MARCHF1: variants seen among roughly 807,000 people sequenced by gnomAD.
MARCHF1 encodes the protein E3 ubiquitin-protein ligase MARCHF1.
In MARCHF1, 40 loss-of-function variants were observed where a neutral mutation model predicts 54.2. The observed-to-expected ratio is 0.74, with a 90% CI of 0.57 to 0.96. The LOEUF (loss-of-function observed/expected upper bound fraction) is 0.96. Among genes scored for constraint, MARCHF1 ranks in the 40% least tolerant of loss-of-function variants. The pLI is 0.00. For synonymous variants in MARCHF1, 236 were observed against 236.3 expected (o/e 1.00, Z 0.01); for missense variants, 586 against 656.5 (o/e 0.89, Z 1.17).
chr4:163,603,392 G>A (rs1051772923), intron 7 of MARCHF1, among the ~76,000 whole-genome samples: 1 of 152,030 alleles, frequency 6.6e-6, no homozygotes, highest in Non-Finnish European at 1.5e-5. Flanking sequence ...TTTGAGTGAT[G>A]TACTGCAGAG....
chr4:164,368,189 C>T (rs1446278813), intron 1 of MARCHF1, among the ~76,000 whole-genome samples: 19 of 112,866 alleles, frequency 1.7e-4, no homozygotes, highest in Non-Finnish European at 3.5e-4. Context: ...ATAGCCAAAT[C>T]CTAGGTGAAA....
At chr4:163,599,161 C>T (rs1022332750) in intron 7 of MARCHF1, among the ~76,000 whole-genome samples, 2 of 151,942 alleles carry the variant, frequency 1.3e-5, no homozygotes, top group African/African-American at 2.4e-5. Flanking sequence ...TGGTGGCGGG[C>T]GCCTGTAATC....
chr4:164,333,870 C>T (rs913312167), intron 1 of MARCHF1, among the ~76,000 whole-genome samples: 1 of 152,210 alleles, frequency 6.6e-6, no homozygotes, highest in Non-Finnish European at 1.5e-5. Flanking sequence ...ATTAAAAGTG[C>T]TACTCCAGTG....
intron 3 of MARCHF1, among the ~76,000 whole-genome samples, chr4:163,975,872 A>G (rs1752639739): frequency 6.6e-6 from 1 of 152,166 alleles, no homozygotes; most frequent in African/African-American, 2.4e-5. Context: ...AAGTTGATAC[A>G]CAGGAAGCCC....
chr4:164,317,802 T>C (rs1484868747), intron 1 of MARCHF1, among the ~76,000 whole-genome samples: 3 of 152,152 alleles, frequency 2.0e-5, no homozygotes, highest in African/African-American at 7.2e-5. Flanking sequence ...GGGTAAACTG[T>C]GGATCAATGG....
At chr4:164,007,646 CTGTGTGTGTGTGTG>C (rs70948688) in intron 2 of MARCHF1, among the ~76,000 whole-genome samples, 22 of 140,014 alleles carry the variant, frequency 1.6e-4, no homozygotes, top group South Asian at 6.9e-4. Flanking sequence ...CTCTCTCTCT[CTGTGTGTGTGTGTG>C]TGTGTGTGTG....
Position 163,894,606 on chromosome 4 carries a change from CAT to C in MARCHF1, c.-38-40439_-38-40438del, listed in dbSNP as rs199604841. ...TGCATATATATATATGCATGTGATG[CAT>C]ATATATATATGCATGTGATGCATAT... On this transcript the variant is annotated intron_variant, in intron 3 of 9. Coordinates refer to ENST00000514618, the MANE Select transcript of MARCHF1 (RefSeq NM_001394959.1). 1.5e-3 allele frequency among the ~76,000 whole-genome samples: 179 copies of C among 120,618 alleles called. 2 individuals are homozygous for C. Among genetic ancestry groups the C allele is most frequent in the Middle Eastern group, 4.5e-3 (1 of 222 alleles). 79.1% of individuals were successfully genotyped at this position (120,618 alleles called of 152,430 possible).
intron 1 of MARCHF1, among the ~76,000 whole-genome samples, chr4:164,233,677 C>T (rs1411416863): frequency 1.3e-5 from 2 of 152,042 alleles, no homozygotes; most frequent in African/African-American, 4.8e-5. Flanking sequence ...AGGTCCTATC[C>T]TCCAAGATGG....
chr4:163,831,257 C>A (rs1267826091), intron 4 of MARCHF1, among the ~76,000 whole-genome samples: 1 of 152,082 alleles, frequency 6.6e-6, no homozygotes, highest in Non-Finnish European at 1.5e-5. Context: ...CAGGTGGAAC[C>A]CTCAAAGAAT....
chr4:163,650,116 G>A (rs939009409), intron 5 of MARCHF1, among the ~76,000 whole-genome samples: 2 of 151,784 alleles, frequency 1.3e-5, no homozygotes, highest in African/African-American at 4.8e-5. Context: ...CATGGCACAC[G>A]GTGTTTATAA....
intron 1 of MARCHF1, among the ~76,000 whole-genome samples, chr4:164,338,894 C>A (rs1337255206): frequency 1.3e-5 from 2 of 152,092 alleles, no homozygotes; most frequent in Non-Finnish European, 1.5e-5. Flanking sequence ...ATCGCTTGAA[C>A]CTGGGAGGCG....
intron 2 of MARCHF1, among the ~76,000 whole-genome samples, chr4:164,083,289 G>T (rs940615425): frequency 1.1e-4 from 16 of 150,574 alleles, no homozygotes; most frequent in Admixed American, 2.7e-4. Context: ...TTACTGAAAG[G>T]TTTTTTTTTC....
At chr4:163,649,233 T>C (rs935301080) in intron 5 of MARCHF1, among the ~76,000 whole-genome samples, 1 of 152,050 alleles carries the variant, frequency 6.6e-6, no homozygotes, top group African/African-American at 2.4e-5. Flanking sequence ...TGAAATAGGC[T>C]ACTCGAGCCC....
intron 8 of MARCHF1, among the ~76,000 whole-genome samples, chr4:163,548,404 A>G (rs1317076910): frequency 6.6e-6 from 1 of 152,184 alleles, no homozygotes; most frequent in Non-Finnish European, 1.5e-5. Context: ...CTATGGAGCA[A>G]TTTGATTAAA....
At chr4:164,117,307 T>C (rs1405648284) in intron 1 of MARCHF1, among the ~76,000 whole-genome samples, 3 of 151,908 alleles carry the variant, frequency 2.0e-5, no homozygotes, top group Admixed American at 6.6e-5. Context: ...AATTTCTGCT[T>C]GAATATAAAT....
intron 1 of MARCHF1, among the ~76,000 whole-genome samples, chr4:164,143,450 C>T (rs1217598602): frequency 1.3e-5 from 2 of 150,618 alleles, no homozygotes; most frequent in Non-Finnish European, 3.0e-5. Flanking sequence ...CAAAGGGAAG[C>T]CCATCAGACT....
At chr4:163,818,866 CTT>C (rs1748615047) in intron 4 of MARCHF1, among the ~76,000 whole-genome samples, 2 of 152,094 alleles carry the variant, frequency 1.3e-5, no homozygotes, top group Admixed American at 6.6e-5. Context: ...GATCACTTCT[CTT>C]TTTGAAGCAC....
At chr4:164,274,544 T>C (rs1733822412) in intron 1 of MARCHF1, among the ~76,000 whole-genome samples, 1 of 151,980 alleles carries the variant, frequency 6.6e-6, no homozygotes, top group African/African-American at 2.4e-5. Context: ...AATTCCCCAG[T>C]GTTCATATTT....
chr4:164,115,317 T>TGATTTGGAAAA, intron 1 of MARCHF1, among the ~76,000 whole-genome samples: 1 of 152,208 alleles, frequency 6.6e-6, no homozygotes, highest in East Asian at 1.9e-4. Flanking sequence ...AATTAAAGTC[T>TGATTTGGAAAA]GATTTGGAAA....
Sources: gnomAD v4.1 joint callset for allele counts (sites outside exome capture counted in the v4.1 genomes callset) on GRCh38, gnomAD v4.1.1 for gene constraint, MANE v1.5 for transcripts, NCBI Gene and HGNC (gene_info 2026-07-23, HGNC 2026-07-21) for gene names.